Variants in CADPS observed in about 807,000 individuals in gnomAD.
CADPS encodes calcium dependent secretion activator.
CADPS carries 57 observed loss-of-function variants against 167.3 expected under a neutral mutation model. The ratio of observed to expected loss-of-function variants is 0.34; its 90% CI spans 0.28 to 0.42. The LOEUF (loss-of-function observed/expected upper bound fraction) is 0.42. CADPS is among the 20% of genes least tolerant of loss of function. The probability of loss-of-function intolerance (pLI) is 1.00; values close to 1 mark genes in which losing one functional copy is unlikely to be tolerated. For synonymous variants in CADPS, 676 were observed against 635.3 expected, an observed-to-expected ratio of 1.06 and a Z score of -0.96; for missense variants, 1,414 against 1,738.1, an observed-to-expected ratio of 0.81 and a Z score of 3.32.
chr3:62,404,080 A>G (rs2149085557), intron 28 of CADPS: 1 of 114,274 alleles, frequency 8.8e-6, no homozygotes, highest in South Asian at 3.2e-4. Flanking sequence ...AAGTGTCAGT[A>G]TAAAAAAAAA....
At chr3:62,587,496 G>A (rs1423837176) in intron 7 of CADPS, among the ~76,000 whole-genome samples, 2 of 152,152 alleles carry the variant, frequency 1.3e-5, no homozygotes, top group African/African-American at 4.8e-5. Flanking sequence ...GAGAGGTAGG[G>A]GTGAGATGTG....
chr3:62,862,298 C>T (rs1424172814), intron 1 of CADPS, among the ~76,000 whole-genome samples: 3 of 149,846 alleles, frequency 2.0e-5, no homozygotes, highest in Non-Finnish European at 3.0e-5. Context: ...CTCACTGCAA[C>T]CTCCGCCTCC....
At chr3:62,788,395 G>A (rs1480566774) in intron 1 of CADPS, among the ~76,000 whole-genome samples, 1 of 152,094 alleles carries the variant, frequency 6.6e-6, no homozygotes, top group Admixed American at 6.6e-5. Flanking sequence ...GTTGAGAAAA[G>A]CACGCACTTC....
chr3:62,684,150 T>C (rs1160370783), intron 3 of CADPS, among the ~76,000 whole-genome samples: 4 of 152,220 alleles, frequency 2.6e-5, no homozygotes, highest in Middle Eastern at 3.4e-3. Flanking sequence ...ATGGGAAATA[T>C]GTTTTCCATT....
intron 6 of CADPS, among the ~76,000 whole-genome samples, chr3:62,617,413 A>G (rs1431368548): frequency 6.6e-6 from 1 of 152,180 alleles, no homozygotes; most frequent in Non-Finnish European, 1.5e-5. Context: ...ATTGTTACTG[A>G]GCATCCTGAA....
At chr3:62,467,291 C>A in intron 24 of CADPS, 2 of 1,251,328 alleles carry the variant, frequency 1.6e-6, no homozygotes, top group Non-Finnish European at 2.1e-6. Context: ...AAGGAAAATG[C>A]ACTTACCCAC....
chr3:62,612,645 A>G (rs1163495352), intron 6 of CADPS, among the ~76,000 whole-genome samples: 2 of 152,242 alleles, frequency 1.3e-5, no homozygotes, highest in East Asian at 3.8e-4. Context: ...GGTACCAACC[A>G]AATGACTTCT....
At chr3:62,494,798 T>A (rs1024625170) in intron 18 of CADPS, among the ~76,000 whole-genome samples, 7 of 148,798 alleles carry the variant, frequency 4.7e-5, no homozygotes, top group Admixed American at 2.0e-4. Context: ...CCTGCCACCA[T>A]ACCTGGCTAA....
chr3:62,624,885 T>C (rs990199229), intron 6 of CADPS, among the ~76,000 whole-genome samples: 3 of 152,142 alleles, frequency 2.0e-5, no homozygotes, highest in African/African-American at 7.2e-5. Context: ...CTTGCCCTCC[T>C]GGCCACAGCT....
intron 6 of CADPS, among the ~76,000 whole-genome samples, chr3:62,629,025 G>A (rs2064728900): frequency 6.6e-6 from 1 of 151,904 alleles, no homozygotes; most frequent in Non-Finnish European, 1.5e-5. Context: ...ACTGCAATAG[G>A]CCCCCCACTT....
At chr3:62,670,681 A>G (rs1225711786) in intron 3 of CADPS, among the ~76,000 whole-genome samples, 1 of 151,966 alleles carries the variant, frequency 6.6e-6, no homozygotes, top group Non-Finnish European at 1.5e-5. Context: ...CAATAAATAC[A>G]TTAAAAAAAA....
At chr3:62,752,785 T>A (rs1398196040) in intron 3 of CADPS, among the ~76,000 whole-genome samples, 2 of 152,236 alleles carry the variant, frequency 1.3e-5, no homozygotes, top group East Asian at 3.9e-4. Flanking sequence ...AATTTCAGAC[T>A]GCAAAATAGG....
At chr3:62,517,939 GTTCT>G (rs965440236) in intron 14 of CADPS, among the ~76,000 whole-genome samples, 1 of 152,126 alleles carries the variant, frequency 6.6e-6, no homozygotes, top group African/African-American at 2.4e-5. Flanking sequence ...GGAAGAATTT[GTTCT>G]TTAAGTGGAA....
intron 13 of CADPS, chr3:62,530,876 A>G (rs2073500352): frequency 2.2e-6 from 2 of 891,296 alleles, no homozygotes; most frequent in Non-Finnish European, 2.8e-6. Context: ...GAGAATCAAG[A>G]GCACACGCAC....
At chr3:62,782,180 A>G (rs979727278) in intron 1 of CADPS, among the ~76,000 whole-genome samples, 1 of 152,204 alleles carries the variant, frequency 6.6e-6, no homozygotes, top group Admixed American at 6.5e-5. Context: ...GGGGGAAAAA[A>G]GACATTTCCC....
intron 13 of CADPS, among the ~76,000 whole-genome samples, chr3:62,522,287 C>T (rs1012496920): frequency 6.6e-6 from 1 of 152,180 alleles, no homozygotes; most frequent in South Asian, 2.1e-4. Context: ...CAGAAGCATG[C>T]CACCATATCT....
intron 16 of CADPS, among the ~76,000 whole-genome samples, chr3:62,513,354 C>G (rs1487624663): frequency 6.6e-6 from 1 of 151,992 alleles, no homozygotes; most frequent in Non-Finnish European, 1.5e-5. Context: ...GGGTTACACA[C>G]AAGCAAAGTA....
chr3:62,427,908 C>CTTA (rs995440894), intron 28 of CADPS, among the ~76,000 whole-genome samples: 2 of 152,074 alleles, frequency 1.3e-5, no homozygotes, highest in African/African-American at 4.8e-5. Flanking sequence ...ATGAGAGGGG[C>CTTA]TTTATACCTT....
intron 3 of CADPS, among the ~76,000 whole-genome samples, chr3:62,748,395 T>C (rs1027559950): frequency 3.4e-5 from 5 of 146,340 alleles, no homozygotes; most frequent in Non-Finnish European, 7.5e-5. Context: ...ACCTTACTCC[T>C]TCTAAAATGC....
Sources: gnomAD v4.1 joint callset for allele counts (sites outside exome capture counted in the v4.1 genomes callset) on GRCh38, gnomAD v4.1.1 for gene constraint, MANE v1.5 for transcripts, NCBI Gene and HGNC (gene_info 2026-07-23, HGNC 2026-07-21) for gene names.